Variants in RPS6KC1 observed in about 807,000 individuals in gnomAD.
The protein encoded by RPS6KC1 is inactive ribosomal protein S6 kinase delta-1.
Under a neutral mutation model 103.8 loss-of-function variants are expected in RPS6KC1, and 54 were observed. The observed-to-expected ratio is 0.52, with a 90% CI of 0.42 to 0.65. The LOEUF (loss-of-function observed/expected upper bound fraction) is 0.65, where lower values mean the gene tolerates loss of function less well. Among genes scored for constraint, RPS6KC1 ranks in the 30% least tolerant of loss-of-function variants. RPS6KC1 has a pLI of 0.00. For synonymous variants in RPS6KC1, 439 were observed against 438.7 expected (o/e 1.00, Z -0.01); for missense variants, 1,151 against 1,253.8 (o/e 0.92, Z 1.24).
chr1:213,090,493 C>A (rs929872531), intron 3 of RPS6KC1, among the ~76,000 whole-genome samples: 1 of 152,170 alleles, frequency 6.6e-6, no homozygotes, highest in African/African-American at 2.4e-5. Context: ...AAAAGTCAAT[C>A]CCAAAGCCAA....
the RPS6KC1 span, among the ~76,000 whole-genome samples, chr1:213,346,394 G>T: frequency 6.6e-6 from 1 of 152,256 alleles, no homozygotes; most frequent in Admixed American, 6.5e-5. Context: ...TCCAGAAATA[G>T]ATACGAGGTA....
the RPS6KC1 span, among the ~76,000 whole-genome samples, chr1:213,384,235 C>T: frequency 6.6e-6 from 1 of 151,822 alleles, no homozygotes; most frequent in African/African-American, 2.4e-5. Flanking sequence ...GAGACCATGC[C>T]ACTGCACTCC....
the RPS6KC1 span, among the ~76,000 whole-genome samples, chr1:213,291,253 C>T: frequency 1.3e-5 from 2 of 152,212 alleles, no homozygotes; most frequent in African/African-American, 4.8e-5. Context: ...AGGGTAGATT[C>T]CTTCCAACTT....
At chr1:213,655,023 ATGGTATGT>A in the RPS6KC1 span, among the ~76,000 whole-genome samples, 1 of 152,070 alleles carries the variant, frequency 6.6e-6, no homozygotes, top group South Asian at 2.1e-4. Flanking sequence ...TTTCAAGATC[ATGGTATGT>A]TTTATGTATT....
rs557123008 is a variant in RPS6KC1 at position 213,178,847 on chromosome 1, T to C, written c.1044+2355T>C. Among the ~76,000 whole-genome samples the C allele has an allele frequency of 1.4e-4, 22 of 152,052 alleles. No individual in the cohort carries two copies. In the East Asian group the frequency reaches 4.3e-3, roughly 30 times the overall value. Reference sequence around the variant, plus strand: ...CTTCTGTCTCAGCCTCCTGAGTAGCTGGGATTTATAGGCACACACCACCAT... The same window carrying C: ...CTTCTGTCTCAGCCTCCTGAGTAGCCGGGATTTATAGGCACACACCACCAT... On this transcript the variant is annotated intron_variant, in intron 8 of 14. Coordinates refer to ENST00000366960, the MANE Select transcript of RPS6KC1 (RefSeq NM_012424.6).
the RPS6KC1 span, among the ~76,000 whole-genome samples, chr1:213,668,794 A>T: frequency 6.6e-6 from 1 of 152,204 alleles, no homozygotes; most frequent in African/African-American, 2.4e-5. Context: ...TCTTCTGGAT[A>T]ACTTGCAGCA....
At chr1:213,512,431 G>C in the RPS6KC1 span, among the ~76,000 whole-genome samples, 1 of 152,166 alleles carries the variant, frequency 6.6e-6, no homozygotes, top group South Asian at 2.1e-4. Flanking sequence ...AGAAGACTCA[G>C]CCCTTTCTGA....
At chr1:213,365,041 AT>A in the RPS6KC1 span, among the ~76,000 whole-genome samples, 1 of 152,182 alleles carries the variant, frequency 6.6e-6, no homozygotes, top group Non-Finnish European at 1.5e-5. Context: ...CTGTTTCCAT[AT>A]TCTTGAGCTC....
At chr1:213,566,477 T>G in the RPS6KC1 span, among the ~76,000 whole-genome samples, 4 of 82,494 alleles carry the variant, frequency 4.8e-5, 1 homozygote, top group African/African-American at 8.8e-5. Context: ...TTTTTTTTTT[T>G]TTTTTTTTTT....
At chr1:213,560,969 G>T in the RPS6KC1 span, among the ~76,000 whole-genome samples, 1 of 152,156 alleles carries the variant, frequency 6.6e-6, no homozygotes, top group Non-Finnish European at 1.5e-5. Flanking sequence ...ATAAATATTT[G>T]CTAAGAGGTT....
chr1:213,247,820 G>A (rs1162722020), intron 12 of RPS6KC1, among the ~76,000 whole-genome samples: 2 of 152,084 alleles, frequency 1.3e-5, no homozygotes, highest in African/African-American at 4.8e-5. Flanking sequence ...TTCCCCCCAA[G>A]GGTAAATATT....
chr1:213,425,613 C>T, the RPS6KC1 span, among the ~76,000 whole-genome samples: 1 of 152,154 alleles, frequency 6.6e-6, no homozygotes, highest in African/African-American at 2.4e-5. Context: ...TGTGGAAAAA[C>T]GGCAAGGCGC....
At chr1:213,523,979 A>G in the RPS6KC1 span, among the ~76,000 whole-genome samples, 1 of 152,168 alleles carries the variant, frequency 6.6e-6, no homozygotes, top group African/African-American at 2.4e-5. Context: ...ACAAGTACAA[A>G]GTCACGGCGG....
chr1:213,202,906 A>C (rs915042287), intron 8 of RPS6KC1, among the ~76,000 whole-genome samples: 1 of 152,312 alleles, frequency 6.6e-6, no homozygotes, highest in Non-Finnish European at 1.5e-5. Flanking sequence ...ATAGTTTTCT[A>C]CTATGTACTG....
At chr1:213,319,614 T>C in the RPS6KC1 span, among the ~76,000 whole-genome samples, 3 of 152,236 alleles carry the variant, frequency 2.0e-5, no homozygotes, top group African/African-American at 7.2e-5. Flanking sequence ...ACTTTGCAGA[T>C]GTACCAGCAC....
At chr1:213,249,547 A>T (rs1432282194) in intron 12 of RPS6KC1, among the ~76,000 whole-genome samples, 1 of 152,236 alleles carries the variant, frequency 6.6e-6, no homozygotes, top group African/African-American at 2.4e-5. Flanking sequence ...AGCAAGCGAG[A>T]GAGCTATGCC....
chr1:213,107,495 G>T (rs1181679129), intron 4 of RPS6KC1, among the ~76,000 whole-genome samples: 1 of 152,112 alleles, frequency 6.6e-6, no homozygotes, highest in South Asian at 2.1e-4. Flanking sequence ...GTTCTTTTAT[G>T]TTGCTGAAAT....
At chr1:213,176,261 C>A in intron 7 of RPS6KC1, 139 bp from the exon 8 acceptor site, 1 of 466,568 alleles carries the variant, frequency 2.1e-6, no homozygotes, top group Non-Finnish European at 3.8e-6. Flanking sequence ...TACAGACAAA[C>A]AGAAACTTCT....
the RPS6KC1 span, among the ~76,000 whole-genome samples, chr1:213,763,415 G>A: frequency 6.6e-6 from 1 of 152,156 alleles, no homozygotes; most frequent in Non-Finnish European, 1.5e-5. Flanking sequence ...ACTTGCCCAA[G>A]GCAGGTGCTA....
Sources: allele counts gnomAD v4.1 joint callset (sites outside exome capture counted in the v4.1 genomes callset), GRCh38; gene constraint gnomAD v4.1.1; transcripts MANE v1.5; gene names NCBI Gene and HGNC (gene_info 2026-07-23, HGNC 2026-07-21).